The following CDC42BPA variants were observed in gnomAD, a reference collection of about 807,000 sequenced individuals.
CDC42BPA encodes serine/threonine-protein kinase MRCK alpha.
A neutral mutation model predicts 223.5 loss-of-function variants in CDC42BPA; 80 were observed. That is an observed-to-expected ratio of 0.36 (90% CI 0.30 to 0.43). CDC42BPA has a LOEUF of 0.43. CDC42BPA is among the 20% of genes least tolerant of loss of function. The pLI, the probability that CDC42BPA is intolerant of heterozygous loss-of-function variation, is 1.00. For missense variants in CDC42BPA, 1,743 were observed against 2,099.9 expected (o/e 0.83, Z 3.32); for synonymous variants, 694 against 718.6 (o/e 0.97, Z 0.55).
At chr1:227,143,247 A>G (rs1399137244) in intron 8 of CDC42BPA, among the ~76,000 whole-genome samples, 1 of 152,204 alleles carries the variant, frequency 6.6e-6, no homozygotes, top group African/African-American at 2.4e-5. Context: ...TCAAAGTCTG[A>G]TATTGAGAAT....
At chr1:227,223,348 A>C (rs1676275809) in intron 2 of CDC42BPA, among the ~76,000 whole-genome samples, 1 of 152,162 alleles carries the variant, frequency 6.6e-6, no homozygotes. Context: ...GTAGCAAGAA[A>C]TGGTGCTGAA....
At chr1:227,233,991 T>C (rs1191226456) in intron 2 of CDC42BPA, among the ~76,000 whole-genome samples, 1 of 151,940 alleles carries the variant, frequency 6.6e-6, no homozygotes, top group African/African-American at 2.4e-5. Flanking sequence ...CTCTGCAGCA[T>C]GTAGAATTCT....
In CDC42BPA at chr1:227,269,002, T is replaced by C. The variant is rs1685545640; in HGVS notation, c.179-14847A>G. Among the ~76,000 whole-genome samples, 3 of 152,076 alleles carry C rather than the reference T, an allele frequency of 2.0e-5. No homozygotes were observed. In the South Asian group the frequency reaches 6.2e-4, roughly 31 times the overall value. ...GCTCAGCCCATATTCATATTTTTAT[T>C]TAAAAAAAAGTCTGGTATTAGAAAA... On this transcript the variant is annotated intron_variant, in intron 1 of 36. Transcript: ENST00000366766.
chr1:227,107,716 G>A (rs1686184921), intron 14 of CDC42BPA, among the ~76,000 whole-genome samples: 1 of 152,184 alleles, frequency 6.6e-6, no homozygotes, highest in Admixed American at 6.5e-5. Flanking sequence ...TGGGGTTGTG[G>A]AGTGCAGGAG....
chr1:227,226,593 A>C (rs1676905883), intron 2 of CDC42BPA, among the ~76,000 whole-genome samples: 1 of 152,230 alleles, frequency 6.6e-6, no homozygotes, highest in South Asian at 2.1e-4. Context: ...CTGAAGCAGT[A>C]TAAAGAACCT....
At chr1:227,207,520 C>T (rs1454424141) in intron 3 of CDC42BPA, among the ~76,000 whole-genome samples, 1 of 108,530 alleles carries the variant, frequency 9.2e-6, no homozygotes, top group Non-Finnish European at 1.8e-5. Context: ...CCCCCCTCCC[C>T]CCACCCCACC....
intron 35 of CDC42BPA, among the ~76,000 whole-genome samples, chr1:227,003,625 A>G (rs1186957186): frequency 6.6e-6 from 1 of 152,180 alleles, no homozygotes; most frequent in Non-Finnish European, 1.5e-5. Flanking sequence ...AGTAGCCTTT[A>G]GCATCTTTGT....
chr1:227,044,228 T>C (rs1240461825), intron 23 of CDC42BPA, among the ~76,000 whole-genome samples: 1 of 152,222 alleles, frequency 6.6e-6, no homozygotes, highest in Non-Finnish European at 1.5e-5. Flanking sequence ...GAGTTTCTTA[T>C]GTATTTTAGA....
At chr1:227,308,528 A>AAAC (rs1553445052) in intron 1 of CDC42BPA, among the ~76,000 whole-genome samples, 7 of 146,300 alleles carry the variant, frequency 4.8e-5, no homozygotes, top group South Asian at 2.2e-4. Flanking sequence ...AAAAAAAAAA[A>AAAC]CAGAATGGGA....
intron 23 of CDC42BPA, 52 bp downstream of exon 23, chr1:227,047,875 G>T: frequency 1.9e-6 from 2 of 1,048,358 alleles, no homozygotes; most frequent in Non-Finnish European, 1.5e-6. Context: ...GCATAGAGCA[G>T]ATAAAATTCA....
chr1:227,063,062 A>G (rs938968616), intron 21 of CDC42BPA, among the ~76,000 whole-genome samples: 2 of 152,166 alleles, frequency 1.3e-5, no homozygotes, highest in African/African-American at 4.8e-5. Context: ...ATTTCTTACC[A>G]AAGTGTTTAC....
Position 227,034,759 on chromosome 1 carries a change from C to T in CDC42BPA, c.3372G>A (p.Gln1124=). The change falls in exon 26 of 37, where the codon CAG becomes CAA. Residue 1124 remains glutamine (Q), a synonymous_variant. Transcript: ENST00000366766. ...PKPAGVKKGW[Q]RALAIVCDFK... ...AGTCACACACTATAGCCAGTGCTCT[C>T]TGCCACCCTTTCTTCACTCCAGCTG... The T allele has an allele frequency of 6.2e-7, 1 of 1,612,840 alleles. No homozygotes were observed. The highest frequency in any genetic ancestry group is 8.5e-7 in the Non-Finnish European group (1 of 1,179,322).
intron 4 of CDC42BPA, among the ~76,000 whole-genome samples, chr1:227,195,556 ATAAGAC>A (rs1323613303): frequency 2.6e-5 from 4 of 152,334 alleles, no homozygotes; most frequent in Admixed American, 2.6e-4. Context: ...GACAGAGTCT[ATAAGAC>A]TAAAAGTCTA....
chr1:227,039,841 C>A (rs1347504308), intron 24 of CDC42BPA, among the ~76,000 whole-genome samples: 1 of 147,204 alleles, frequency 6.8e-6, no homozygotes, highest in African/African-American at 2.5e-5. Flanking sequence ...ATAAATTAAA[C>A]AAGGTTAAAA....
intron 17 of CDC42BPA, among the ~76,000 whole-genome samples, chr1:227,079,586 A>T (rs1288947720): frequency 6.6e-6 from 1 of 152,196 alleles, no homozygotes; most frequent in Non-Finnish European, 1.5e-5. Context: ...TGCTTCAGAA[A>T]TGCAGACTTG....
intron 9 of CDC42BPA, among the ~76,000 whole-genome samples, chr1:227,142,576 G>A (rs149096467): frequency 4.0e-4 from 60 of 151,462 alleles, no homozygotes; most frequent in African/African-American, 1.4e-3. Context: ...CATCTTTTAC[G>A]AACCTCAATT....
intron 1 of CDC42BPA, among the ~76,000 whole-genome samples, chr1:227,297,728 T>G (rs1184832375): frequency 6.6e-6 from 1 of 151,722 alleles, no homozygotes; most frequent in Non-Finnish European, 1.5e-5. Context: ...ATATCTACAA[T>G]ATGTAGAAAT....
At chr1:227,077,892 A>G (rs1428956036) in intron 17 of CDC42BPA, among the ~76,000 whole-genome samples, 1 of 152,156 alleles carries the variant, frequency 6.6e-6, no homozygotes, top group Non-Finnish European at 1.5e-5. Flanking sequence ...TAAGTCCTAT[A>G]GAGTTTTCTT....
intron 5 of CDC42BPA, among the ~76,000 whole-genome samples, chr1:227,176,962 T>C (rs529615807): frequency 1.4e-4 from 22 of 152,032 alleles, no homozygotes; most frequent in African/African-American, 5.1e-4. Context: ...ACTGGCTCTT[T>C]ATGCCCCCTA....
Sources: gnomAD v4.1 joint callset for allele counts (sites outside exome capture counted in the v4.1 genomes callset) on GRCh38, gnomAD v4.1.1 for gene constraint, MANE v1.5 for transcripts, NCBI Gene and HGNC (gene_info 2026-07-23, HGNC 2026-07-21) for gene names.